Variants in LURAP1L observed in about 807,000 individuals in gnomAD.
LURAP1L encodes the protein leucine rich adaptor protein 1 like, also known as leucine rich adaptor protein 1-like.
Under a neutral mutation model 13.8 loss-of-function variants are expected in LURAP1L, and 12 were observed. That is an observed-to-expected ratio of 0.87 (90% CI 0.56 to 1.41). The LOEUF (loss-of-function observed/expected upper bound fraction) is 1.41, where lower values mean the gene tolerates loss of function less well. LURAP1L is among the 40% of genes most tolerant of loss of function. The pLI is 0.00. For missense variants in LURAP1L, 375 were observed against 292.9 expected, an observed-to-expected ratio of 1.28 and a Z score of -2.04; for synonymous variants, 139 against 119.2, an observed-to-expected ratio of 1.17 and a Z score of -1.08.
chr9:12,794,903 T>C (rs373859638), intron 1 of LURAP1L, among the ~76,000 whole-genome samples: 7 of 151,926 alleles, frequency 4.6e-5, no homozygotes, highest in African/African-American at 1.7e-4. Flanking sequence ...GTGGAAGATA[T>C]GTATTTCACG....
chr9:12,819,681 A>G (rs73405920), intron 1 of LURAP1L, among the ~76,000 whole-genome samples: 30,122 of 152,124 alleles, frequency 0.2, 3,603 homozygotes, highest in African/African-American at 0.33. Context: ...AAGGCCGGAC[A>G]TGGTGACTCA....
intron 1 of LURAP1L, among the ~76,000 whole-genome samples, chr9:12,791,715 C>CT (rs1819443744): frequency 6.8e-6 from 1 of 148,094 alleles, no homozygotes; most frequent in South Asian, 2.2e-4. Flanking sequence ...CACACACACA[C>CT]TTTTTCTTAA....
intron 1 of LURAP1L, among the ~76,000 whole-genome samples, chr9:12,817,757 T>A (rs558446065): frequency 3.3e-4 from 51 of 152,288 alleles, no homozygotes; most frequent in African/African-American, 1.2e-3. Flanking sequence ...TGAATAACAG[T>A]GAGGAAAGGC....
intron 1 of LURAP1L, among the ~76,000 whole-genome samples, chr9:12,817,639 A>C (rs1466621827): frequency 6.6e-6 from 1 of 152,228 alleles, no homozygotes; most frequent in Admixed American, 6.5e-5. Flanking sequence ...CTCAGAGTCA[A>C]GTTGAGGGAC....
At chr9:12,776,104 G>T in intron 1 of LURAP1L, 77 bp downstream of exon 1, 1 of 1,438,710 alleles carries the variant, frequency 7.0e-7, no homozygotes, top group Non-Finnish European at 9.7e-7. Flanking sequence ...AATGGGGCTG[G>T]GAGAGAGGAC....
chr9:12,778,283 C>T (rs1384245232), intron 1 of LURAP1L, among the ~76,000 whole-genome samples: 1 of 152,076 alleles, frequency 6.6e-6, no homozygotes, highest in African/African-American at 2.4e-5. Context: ...GGCAAAAAGG[C>T]TTGTCCCGCT....
intron 1 of LURAP1L, among the ~76,000 whole-genome samples, chr9:12,789,626 G>C (rs1467326434): frequency 2.6e-5 from 4 of 152,110 alleles, no homozygotes; most frequent in African/African-American, 7.2e-5. Flanking sequence ...AGTCATATTG[G>C]CTAATGCTAT....
chr9:12,792,372 C>A (rs1242281897), intron 1 of LURAP1L, among the ~76,000 whole-genome samples: 1 of 152,096 alleles, frequency 6.6e-6, no homozygotes, highest in African/African-American at 2.4e-5. Flanking sequence ...TCCTGTGAGA[C>A]ATTATTTTGC....
chr9:12,791,152 T>C (rs1267082256), intron 1 of LURAP1L, among the ~76,000 whole-genome samples: 2 of 152,052 alleles, frequency 1.3e-5, no homozygotes, highest in Non-Finnish European at 2.9e-5. Context: ...TTCACATAAG[T>C]AAGATGGATG....
intron 1 of LURAP1L, among the ~76,000 whole-genome samples, chr9:12,816,219 C>T (rs185772931): frequency 5.1e-4 from 77 of 152,212 alleles, no homozygotes; most frequent in East Asian, 5.0e-3. Flanking sequence ...ATATCTGAAA[C>T]GAAATCTCAG....
chr9:12,809,634 T>G (rs964785608), intron 1 of LURAP1L, among the ~76,000 whole-genome samples: 5 of 152,320 alleles, frequency 3.3e-5, no homozygotes, highest in African/African-American at 1.2e-4. Context: ...TTCTGATGCT[T>G]GCTTTGTCTC....
At chr9:12,783,639 T>A (rs1001611533) in intron 1 of LURAP1L, among the ~76,000 whole-genome samples, 1 of 152,166 alleles carries the variant, frequency 6.6e-6, no homozygotes, top group Non-Finnish European at 1.5e-5. Context: ...TCAATGTTTA[T>A]CAGTGATATT....
At chr9:12,798,344 T>C (rs1331892293) in intron 1 of LURAP1L, among the ~76,000 whole-genome samples, 1 of 152,176 alleles carries the variant, frequency 6.6e-6, no homozygotes, top group Non-Finnish European at 1.5e-5. Flanking sequence ...TCCTTTTTTA[T>C]GAATATTTCT....
chr9:12,776,582 AG>A (rs2118447689), intron 1 of LURAP1L, among the ~76,000 whole-genome samples: 1 of 152,078 alleles, frequency 6.6e-6, no homozygotes, highest in South Asian at 2.1e-4. Flanking sequence ...AGCTGTTCCA[AG>A]GCCACTGTCG....
At chr9:12,812,766 A>G (rs1819755063) in intron 1 of LURAP1L, among the ~76,000 whole-genome samples, 1 of 152,218 alleles carries the variant, frequency 6.6e-6, no homozygotes, top group Non-Finnish European at 1.5e-5. Flanking sequence ...ACTCTGCATT[A>G]TAAAGCCTAC....
At position 12,820,802 on chromosome 9, in the gene LURAP1L, CTT is replaced by C. The variant is rs368419168; in HGVS notation, c.313-583_313-582del. ...AAAGAATACAGGTCTTTTTTGTACTCTTAACTCTTTTCTATAGATTTATCTTT... is the reference window on the plus strand; with the variant it reads ...AAAGAATACAGGTCTTTTTTGTACTCAACTCTTTTCTATAGATTTATCTTT... On this transcript the variant is annotated intron_variant, in intron 1 of 1. Transcript: ENST00000319264. Among the ~76,000 whole-genome samples, 397 of 152,154 alleles carry C rather than the reference CTT, an allele frequency of 2.6e-3. 5 individuals carry two copies. Among genetic ancestry groups the C allele is most frequent in the African/African-American group, 8.7e-3 (362 of 41,532 alleles).
chr9:12,777,148 C>A, intron 1 of LURAP1L: 2 of 694,218 alleles, frequency 2.9e-6, no homozygotes, highest in Non-Finnish European at 3.5e-6. Context: ...TTCTATCATT[C>A]TATCGTTTAG....
In LURAP1L at chr9:12,796,327, C is replaced by A. The variant is rs1819511373; in HGVS notation, c.312+20300C>A. Among the ~76,000 whole-genome samples, 5 of 152,012 alleles carry A rather than the reference C, an allele frequency of 3.3e-5. No homozygotes were observed. The South Asian group carries it at 1.0e-3, about 32-fold the overall frequency. On this transcript the variant is annotated intron_variant, in intron 1 of 1. Coordinates refer to ENST00000319264, the MANE Select transcript of LURAP1L (RefSeq NM_203403.2). ...ATTATCCAGAGGCCATTTTTGTTAC[C>A]ATTTTTAAAAAATTTTATTCAAGCA...
At chr9:12,805,451 A>G (rs1435345689) in intron 1 of LURAP1L, among the ~76,000 whole-genome samples, 3 of 152,196 alleles carry the variant, frequency 2.0e-5, no homozygotes, top group Admixed American at 2.0e-4. Flanking sequence ...TCAGTTAAAT[A>G]CACAACCACC....
Sources: gnomAD v4.1 joint callset for allele counts (sites outside exome capture counted in the v4.1 genomes callset) on GRCh38, gnomAD v4.1.1 for gene constraint, MANE v1.5 for transcripts, NCBI Gene and HGNC (gene_info 2026-07-23, HGNC 2026-07-21) for gene names.